Variants in MAST3 observed in about 807,000 individuals in gnomAD.
The protein encoded by MAST3 is microtubule associated serine/threonine kinase 3.
In MAST3, 43 loss-of-function variants were observed where a neutral mutation model predicts 127.0. The observed-to-expected ratio is 0.34, with a 90% CI of 0.27 to 0.44. The LOEUF (loss-of-function observed/expected upper bound fraction) is 0.44. Among genes scored for constraint, MAST3 ranks in the 20% least tolerant of loss-of-function variants. The pLI, the probability that MAST3 is intolerant of heterozygous loss-of-function variation, is 1.00. For synonymous variants in MAST3, 785 were observed against 809.2 expected (o/e 0.97, Z 0.51); for missense variants, 1,390 against 1,919.1 (o/e 0.72, Z 5.15).
chr19:18,131,032 C>G (rs2041218895), intron 14 of MAST3, among the ~76,000 whole-genome samples: 1 of 152,216 alleles, frequency 6.6e-6, no homozygotes, highest in Admixed American at 6.5e-5. Context: ...GTACTATTAC[C>G]AAAGTACTGC....
chr19:18,143,788 T>C lies in MAST3; in HGVS notation c.2365T>C (p.Ser789Pro). Residue 789 changes from serine (S) to proline (P), a missense_variant, in exon 22 of 28, where the codon TCC becomes CCC. Ser to Pro is a moderately conservative substitution (Grantham distance 74, BLOSUM62 -1). This residue lies in a region of MAST3 where 816 missense variants were observed against 934.1 expected (regional missense o/e 0.87). Coordinates refer to ENST00000687212, the MANE Select transcript of MAST3 (RefSeq NM_001393504.1). ...GCTGAGGTCCTGGACATCCTCTGGA[T>C]CCTCCTGTCAGTCATCTTCGTCCCA... is the stretch of plus-strand genomic sequence containing the variant. ...IRLRSWTSSG[S>P]SCQSSSSQPE... 1 of 1,613,688 alleles carries C rather than the reference T, an allele frequency of 6.2e-7. No individual in the cohort carries two copies. The highest frequency in any genetic ancestry group is 8.5e-7 in the Non-Finnish European group (1 of 1,179,836).
At chr19:18,124,932 C>CCCA (rs386388671) in intron 11 of MAST3, among the ~76,000 whole-genome samples, 158 bp downstream of exon 11, 3 of 15,944 alleles carry the variant, frequency 1.9e-4, no homozygotes, top group Non-Finnish European at 3.2e-4. Flanking sequence ...ATGGTGGAAA[C>CCCA]CCCCCCCCTA....
At chr19:18,148,894 C>A (rs988796997) in intron 27 of MAST3, among the ~76,000 whole-genome samples, 1 of 62,080 alleles carries the variant, frequency 1.6e-5, no homozygotes, top group Non-Finnish European at 3.2e-5. Flanking sequence ...CAGAGCGAGA[C>A]TCTATTGAAA....
chr19:18,149,418 C>T lies in MAST3; in HGVS notation c.3736C>T (p.His1246Tyr), dbSNP rs2043360181. ...PPRSPSPLPG[H>Y]PPAPARSPRL... ...CCGCTCGCCCTCGCCCCTGCCCGGG[C>T]ACCCGCCCGCACCTGCCCGATCCCC... Residue 1246 changes from histidine to tyrosine, a missense_variant, in exon 28 of 28, where the codon CAC (histidine) becomes TAC (tyrosine). By Grantham distance (83) the His-to-Tyr change is moderately conservative. Transcript: ENST00000687212. The surrounding 1 kb of genome is among the most constrained non-coding windows in gnomAD (Gnocchi z 5.9). 3 of 1,464,946 alleles carry T rather than the reference C, an allele frequency of 2.0e-6. No individual in the cohort carries two copies. Among genetic ancestry groups the T allele is most frequent in the Non-Finnish European group, 2.7e-6 (3 of 1,116,752 alleles). 90.7% of individuals were successfully genotyped at this position (1,464,946 alleles called of 1,614,324 possible).
intron 11 of MAST3, among the ~76,000 whole-genome samples, chr19:18,125,286 C>T (rs1044235376): frequency 5.9e-5 from 9 of 152,142 alleles, no homozygotes; most frequent in Non-Finnish European, 1.0e-4. Context: ...TCAAATGCCA[C>T]GTTAAGATGG....
At chr19:18,109,992 C>T (rs1477190817) in intron 2 of MAST3, 1 of 985,236 alleles carries the variant, frequency 1.0e-6, no homozygotes, top group East Asian at 1.1e-4. Flanking sequence ...CCTTCCCTTC[C>T]GGGGCGCAGC....
chr19:18,114,339 G>A (rs147552693), intron 3 of MAST3, among the ~76,000 whole-genome samples: 3,778 of 151,628 alleles, frequency 0.025, 109 homozygotes, highest in Admixed American at 0.077. Context: ...ACAGACATGC[G>A]CCACCACGCC....
rs1568623814 is a variant in MAST3, at chr19:18,149,960, G to A, written c.*234G>A. Reference sequence around the variant, plus strand: ...GCTTTGTAAATAGCAGCAAATCCCTGCAACTAATTTATTACTTTTTTTTTC... The same window carrying A: ...GCTTTGTAAATAGCAGCAAATCCCTACAACTAATTTATTACTTTTTTTTTC... On this transcript the variant is annotated 3_prime_UTR_variant, in exon 28 of 28. Transcript: ENST00000687212. The surrounding 1 kb of genome is among the most constrained non-coding windows in gnomAD (Gnocchi z 5.9). 2.2e-6 allele frequency: 1 copy of A among 464,430 alleles called. No individual in the cohort carries two copies. Among genetic ancestry groups the A allele is most frequent in the Non-Finnish European group, 3.7e-6 (1 of 267,366 alleles). The allele number at this position is 464,430 out of a possible 1,614,324, so 28.8% of individuals were successfully genotyped here.
At chr19:18,115,699 A>G (rs2039142946) in intron 3 of MAST3, among the ~76,000 whole-genome samples, 1 of 151,958 alleles carries the variant, frequency 6.6e-6, no homozygotes, top group Admixed American at 6.6e-5. Flanking sequence ...ACCGTCCCAG[A>G]CCCTTACTGG....
Position 18,123,996 on chromosome 19 carries a change from GC to G in MAST3, c.694del (p.Arg232GlyfsTer38). On this transcript the variant is annotated frameshift_variant, in exon 9 of 28. Transcript: ENST00000687212. LOFTEE classifies it high-confidence loss of function. ...QEFLTAYAPG[A>X]RLALADGVLG... is the part of the protein sequence containing the mutation. ...GTTCCTGACGGCCTACGCGCCCGGCGCCCGGCTGGCGCTGGCTGATGGCGTC... is the reference window on the plus strand; with the variant it reads ...GTTCCTGACGGCCTACGCGCCCGGCGCCGGCTGGCGCTGGCTGATGGCGTC... 6.3e-7 allele frequency: 1 copy of G among 1,592,890 alleles called. No individual in the cohort carries two copies. Among genetic ancestry groups the G allele is most frequent in the Non-Finnish European group, 8.5e-7 (1 of 1,171,170 alleles).
intron 11 of MAST3, among the ~76,000 whole-genome samples, chr19:18,126,984 G>A: frequency 6.6e-6 from 1 of 151,006 alleles, no homozygotes; most frequent in Non-Finnish European, 1.5e-5. Context: ...GTTTCACTGT[G>A]TTAGCCAGGA....
Position 18,147,504 on chromosome 19 carries a change from T to C in MAST3, c.3388T>C (p.Phe1130Leu). ...QTSVLHTSRSFSSGLHHSLSS... is the reference protein window; with the variant it reads ...QTSVLHTSRSLSSGLHHSLSS... ...CTCCGTGCTGCACACCAGCCGCAGC[T>C]TCTCCTCCGGACTCCACCACTCACT... Residue 1130 changes from phenylalanine to leucine, a missense_variant, in exon 27 of 28, where the codon TTC becomes CTC. This residue lies in a region of MAST3 where 816 missense variants were observed against 934.1 expected (regional missense o/e 0.87). Transcript: ENST00000687212. 6.2e-7 allele frequency: 1 copy of C among 1,613,000 alleles called. No homozygotes were observed. The highest frequency in any genetic ancestry group is 8.5e-7 in the Non-Finnish European group (1 of 1,179,500).
At chr19:18,104,681 C>A (rs2037928865) in intron 1 of MAST3, among the ~76,000 whole-genome samples, 2 of 152,088 alleles carry the variant, frequency 1.3e-5, no homozygotes, top group Non-Finnish European at 2.9e-5. Context: ...GTCCTGAGAC[C>A]CAGTTTCCTG....
At chr19:18,101,213 T>TC (rs1396630064) in intron 1 of MAST3, among the ~76,000 whole-genome samples, 1 of 152,112 alleles carries the variant, frequency 6.6e-6, no homozygotes, top group Non-Finnish European at 1.5e-5. Flanking sequence ...AAACAGAGCA[T>TC]CCCCCGGCAG....
At chr19:18,143,666 A>G in intron 21 of MAST3, 97 bp from the exon 22 acceptor site, 1 of 1,486,496 alleles carries the variant, frequency 6.7e-7, no homozygotes, top group Non-Finnish European at 9.1e-7. Context: ...ATTACCCTTG[A>G]CTGCAGACTG....
intron 1 of MAST3, among the ~76,000 whole-genome samples, chr19:18,102,431 A>G (rs1040433930): frequency 6.8e-6 from 1 of 147,018 alleles, no homozygotes; most frequent in Non-Finnish European, 1.5e-5. Flanking sequence ...TGCCTGCCTC[A>G]GCCTCCCAAA....
At chr19:18,098,571 T>G (rs1016888445) in intron 1 of MAST3, among the ~76,000 whole-genome samples, 1 of 151,988 alleles carries the variant, frequency 6.6e-6, no homozygotes, top group African/African-American at 2.4e-5. Flanking sequence ...AAGCCTAAGT[T>G]TGAAGCCACA....
chr19:18,134,981 C>T lies in MAST3; in HGVS notation c.1869C>T (p.Ser623=), dbSNP rs201845832. 4.6e-5 allele frequency: 74 copies of T among 1,603,180 alleles called. No individual in the cohort carries two copies. In the African/African-American group the frequency reaches 5.3e-4, roughly 12 times the overall value. The change falls in exon 17 of 28, where the codon AGC becomes AGT. Residue 623 remains serine (S), a splice_region_variant and synonymous_variant. Coordinates refer to ENST00000687212, the MANE Select transcript of MAST3 (RefSeq NM_001393504.1). ...AGGAACTCTTCGGTCAGGTGGTCAG[C>T]GGTGCGTTTCCTCCACGGGCCTGGG... ...TPEELFGQVV[S]DEIMWPEGDE...
At position 18,145,085 on chromosome 19, in the gene MAST3, G is replaced by A. The variant is rs56151275; in HGVS notation, c.2895G>A (p.Pro965=). ...SSNPSSRDSS[P]SRDPSPVCGS... ...ACCCGTCGTCCCGTGACTCTTCGCC[G>A]AGCCGAGACCCGTCCCCCGTGTGTG... is the stretch of plus-strand genomic sequence containing the variant. The change falls in exon 24 of 28, where the codon CCG becomes CCA. Residue 965 remains proline, a synonymous_variant. Transcript: ENST00000687212. The surrounding 1 kb of genome is among the most constrained non-coding windows in gnomAD (Gnocchi z 5.9). 1.6e-3 allele frequency: 2,654 copies of A among 1,613,042 alleles called. 7 individuals carry two copies. Among genetic ancestry groups the A allele is most frequent in the Non-Finnish European group, 2.1e-3 (2,476 of 1,179,828 alleles).
Sources: gnomAD v4.1 joint callset for allele counts (sites outside exome capture counted in the v4.1 genomes callset) on GRCh38, gnomAD v4.1.1 for gene constraint, gnomAD v4.1.1 regional missense constraint, Gnocchi (gnomAD v3.1) non-coding constraint, MANE v1.5 for transcripts, NCBI Gene and HGNC (gene_info 2026-07-23, HGNC 2026-07-21) for gene names.